Variants in COBL observed in about 807,000 individuals in gnomAD.
The protein encoded by COBL is protein cordon-bleu.
In COBL, 51 loss-of-function variants were observed where a neutral mutation model predicts 98.8. The observed-to-expected ratio is 0.52, with a 90% CI of 0.41 to 0.65. The LOEUF is 0.65. Among genes scored for constraint, COBL ranks in the 30% least tolerant of loss-of-function variants. The pLI is 0.00. For missense variants in COBL, 1,617 were observed against 1,617.5 expected (o/e 1.00, Z 0.01); for synonymous variants, 634 against 651.7 (o/e 0.97, Z 0.41).
chr7:51,202,866 C>A (rs1006699631), intron 2 of COBL, among the ~76,000 whole-genome samples: 1 of 152,130 alleles, frequency 6.6e-6, no homozygotes, highest in African/African-American at 2.4e-5. Flanking sequence ...CATAGTAAAA[C>A]CCCATCTCTA....
chr7:51,067,689 C>G (rs1054373477), intron 7 of COBL, among the ~76,000 whole-genome samples: 4 of 152,228 alleles, frequency 2.6e-5, no homozygotes, highest in Non-Finnish European at 4.4e-5. Context: ...TCACTTTCCC[C>G]TCTTTGTAAA....
At chr7:51,158,461 C>T (rs1211878956) in intron 5 of COBL, among the ~76,000 whole-genome samples, 2 of 136,464 alleles carry the variant, frequency 1.5e-5, no homozygotes, top group Middle Eastern at 3.5e-3. Context: ...ACTATAGGTC[C>T]GCCTGGGACA....
Position 51,135,462 on chromosome 7 carries a change from G to C in COBL, c.957+696C>G, listed in dbSNP as rs1207496215. Among the ~76,000 whole-genome samples, 4 of 152,048 alleles carry C rather than the reference G, an allele frequency of 2.6e-5. No homozygotes were observed. In the South Asian group the frequency reaches 8.3e-4, roughly 32 times the overall value. The stretch of plus-strand genomic sequence containing the variant: ...ACCGACTTGCAAAAATAGATGGACA[G>C]ACGGACATACCTGGACAGAACGACA... On this transcript the variant is annotated intron_variant, in intron 6 of 12. Coordinates refer to ENST00000265136, the MANE Select transcript of COBL (RefSeq NM_015198.5).
intron 7 of COBL, among the ~76,000 whole-genome samples, chr7:51,055,169 C>T (rs1216927172): frequency 1.3e-5 from 2 of 152,204 alleles, no homozygotes; most frequent in Admixed American, 1.3e-4. Flanking sequence ...CCCGCAAGGG[C>T]GGCTCAGGCC....
chr7:51,157,429 C>G (rs929437807), intron 5 of COBL, among the ~76,000 whole-genome samples: 1 of 152,168 alleles, frequency 6.6e-6, no homozygotes, highest in African/African-American at 2.4e-5. Context: ...TCAGTAGCAC[C>G]GGCAAGGGGT....
At chr7:51,110,233 T>A (rs1224024382) in intron 6 of COBL, among the ~76,000 whole-genome samples, 2 of 152,184 alleles carry the variant, frequency 1.3e-5, no homozygotes, top group Non-Finnish European at 2.9e-5. Flanking sequence ...AACTTTTATA[T>A]CCATTAAGCA....
chr7:51,130,090 T>A (rs1352217235), intron 6 of COBL, among the ~76,000 whole-genome samples: 2 of 152,150 alleles, frequency 1.3e-5, no homozygotes, highest in Admixed American at 1.3e-4. Flanking sequence ...CAGGTTGATG[T>A]GGTTGATGTG....
chr7:51,086,991 T>C (rs1439185400), intron 6 of COBL, among the ~76,000 whole-genome samples: 1 of 151,986 alleles, frequency 6.6e-6, no homozygotes, highest in African/African-American at 2.4e-5. Context: ...CACATTTTTT[T>C]TTTGGCATTT....
In COBL at chr7:51,178,169, C is replaced by CCTCT. The variant is rs200471846; in HGVS notation, c.783+5929_783+5932dup. Among the ~76,000 whole-genome samples the CCTCT allele has an allele frequency of 2.4e-4, 36 of 151,504 alleles. No individual in the cohort carries two copies. In the South Asian group the frequency reaches 4.0e-3, roughly 17 times the overall value. Reference sequence around the variant, plus strand: ...CTCTCACTCTCTGTCTCTCTCTCTCCCTCTCTCTCTCTATATATATATATA... The same window carrying CCTCT: ...CTCTCACTCTCTGTCTCTCTCTCTCCCTCTCTCTCTCTCTCTATATATATATATA... On this transcript the variant is annotated intron_variant, in intron 5 of 12. Transcript: ENST00000265136.
intron 6 of COBL, among the ~76,000 whole-genome samples, chr7:51,114,870 C>A (rs553692102): frequency 2.6e-5 from 4 of 152,320 alleles, no homozygotes; most frequent in Non-Finnish European, 4.4e-5. Flanking sequence ...CATCCCAACA[C>A]TAGCTCCAAT....
intron 5 of COBL, among the ~76,000 whole-genome samples, chr7:51,155,073 C>T (rs368289593): frequency 6.6e-6 from 1 of 152,154 alleles, no homozygotes; most frequent in Non-Finnish European, 1.5e-5. Context: ...ATTCACTTCA[C>T]CTGTTTGCTT....
chr7:51,133,236 G>A (rs1480812159), intron 6 of COBL, among the ~76,000 whole-genome samples: 4 of 152,096 alleles, frequency 2.6e-5, no homozygotes, highest in African/African-American at 9.7e-5. Context: ...GGGTTCCCTG[G>A]GTCCCAGTGA....
chr7:51,184,863 C>A (rs1034860959), intron 4 of COBL, among the ~76,000 whole-genome samples: 3 of 152,178 alleles, frequency 2.0e-5, no homozygotes, highest in Non-Finnish European at 4.4e-5. Flanking sequence ...TGAAATAAAT[C>A]AGCAGCTTTC....
Position 51,191,050 on chromosome 7 carries a change from A to T in COBL, c.485T>A (p.Leu162Gln). The T allele has an allele frequency of 6.2e-7, 1 of 1,614,164 alleles. No homozygotes were observed. The highest frequency in any genetic ancestry group is 8.5e-7 in the Non-Finnish European group (1 of 1,180,038). ...ACGCACAACAGCTTTTTGTGTCCGC[A>T]GGTAATTCACGACCAAACGCACAGA... ...EKSVRLVVNY[L>Q]RTQKAVVRVS... is the part of the protein sequence containing the mutation. The change falls in exon 4 of 13, where the codon CTG becomes CAG. Residue 162 changes from leucine to glutamine, a missense_variant. Coordinates refer to ENST00000265136, the MANE Select transcript of COBL (RefSeq NM_015198.5).
At chr7:51,103,330 A>AT (rs1455331429) in intron 6 of COBL, among the ~76,000 whole-genome samples, 1 of 152,030 alleles carries the variant, frequency 6.6e-6, no homozygotes, top group Non-Finnish European at 1.5e-5. Context: ...GTTCACATCA[A>AT]TTTTTTTTCC....
chr7:51,168,430 C>T (rs1787543316), intron 5 of COBL, among the ~76,000 whole-genome samples: 1 of 145,028 alleles, frequency 6.9e-6, no homozygotes, highest in South Asian at 2.3e-4. Context: ...AGCGAGACTC[C>T]GTTTCAAAAA....
chr7:51,307,747 T>C (rs1273894749), intron 1 of COBL, among the ~76,000 whole-genome samples: 1 of 152,248 alleles, frequency 6.6e-6, no homozygotes, highest in Non-Finnish European at 1.5e-5. Context: ...AACACAGTCT[T>C]TGATTATGGC....
intron 1 of COBL, among the ~76,000 whole-genome samples, chr7:51,243,419 C>T (rs1180113124): frequency 6.6e-6 from 1 of 152,164 alleles, no homozygotes; most frequent in Admixed American, 6.5e-5. Flanking sequence ...ATACCAGCTG[C>T]TACTACGGGA....
chr7:51,226,079 A>T (rs1482068157), intron 1 of COBL, among the ~76,000 whole-genome samples: 2 of 152,208 alleles, frequency 1.3e-5, no homozygotes, highest in Non-Finnish European at 2.9e-5. Flanking sequence ...ACCTGAAGGT[A>T]TAACAATTTC....
Sources: allele counts gnomAD v4.1 joint callset (sites outside exome capture counted in the v4.1 genomes callset), GRCh38; gene constraint gnomAD v4.1.1; transcripts MANE v1.5; gene names NCBI Gene and HGNC (gene_info 2026-07-23, HGNC 2026-07-21).